Variants in DMD observed in about 807,000 individuals in gnomAD.
The protein encoded by DMD is dystrophin.
In DMD, 63 loss-of-function variants were observed where a neutral mutation model predicts 330.1. The observed-to-expected ratio is 0.19, with a 90% confidence interval of 0.16 to 0.24. The LOEUF (loss-of-function observed/expected upper bound fraction) is 0.24, where lower values mean the gene tolerates loss of function less well. DMD is among the 10% of genes least tolerant of loss of function. The probability of loss-of-function intolerance (pLI) is 1.00; values close to 1 mark genes in which losing one functional copy is unlikely to be tolerated. For synonymous variants in DMD, 1,223 were observed against 959.8 expected (o/e 1.27, Z -5.07); for missense variants, 3,344 against 2,684.1 (o/e 1.25, Z -5.43).
At chrX:31,901,584 T>C (rs2094423236) in intron 47 of DMD, among the ~76,000 whole-genome samples, 2 of 111,539 alleles carry the variant, frequency 1.8e-5, no homozygotes, top group South Asian at 7.5e-4. Context: ...AAAGGGAGGA[T>C]TATGAAGGGT....
chrX:33,120,142 C>T (rs141658625), intron 1 of DMD, among the ~76,000 whole-genome samples: 323 of 112,176 alleles, frequency 2.9e-3, no homozygotes, highest in Non-Finnish European at 4.9e-3. Flanking sequence ...TTTAGATTCT[C>T]CCCAGACAGA....
chrX:31,554,827 G>A (rs188468520), intron 55 of DMD, among the ~76,000 whole-genome samples: 1 of 111,825 alleles, frequency 8.9e-6, no homozygotes, highest in East Asian at 2.8e-4. Flanking sequence ...AAATTCATGG[G>A]CAATTGAAAT....
chrX:31,476,359 T>G (rs960543308), intron 59 of DMD, among the ~76,000 whole-genome samples: 1 of 101,101 alleles, frequency 9.9e-6, no homozygotes, highest in South Asian at 4.7e-4. Context: ...TATATGTATA[T>G]ATACTATGTA....
chrX:32,363,019 AAAAG>A (rs1433496594), intron 36 of DMD, 61 bp from the exon 37 acceptor site: 1 of 1,069,997 alleles, frequency 9.3e-7, no homozygotes, highest in African/African-American at 1.8e-5. Context: ...TCAAGATAGA[AAAAG>A]AGAGCCAAAC....
At chrX:33,269,603 A>T (rs1383007509) in intron 1 of DMD, among the ~76,000 whole-genome samples, 1 of 111,998 alleles carries the variant, frequency 8.9e-6, no homozygotes, top group African/African-American at 3.3e-5. Context: ...AAAACATGCC[A>T]GGCACCTATT....
At chrX:32,689,816 C>T (rs920179425) in intron 9 of DMD, among the ~76,000 whole-genome samples, 1 of 110,748 alleles carries the variant, frequency 9.0e-6, no homozygotes, top group Non-Finnish European at 1.9e-5. Flanking sequence ...TCATTAGATG[C>T]TGAAAACTTG....
chrX:31,206,992 G>A (rs758793033), intron 65 of DMD, among the ~76,000 whole-genome samples: 22 of 110,798 alleles, frequency 2.0e-4, no homozygotes, highest in Non-Finnish European at 4.0e-4. Context: ...CCTATGGAAA[G>A]CCACCTTGGT....
intron 1 of DMD, among the ~76,000 whole-genome samples, chrX:33,155,249 A>G (rs947983982): frequency 1.8e-5 from 2 of 110,968 alleles, no homozygotes; most frequent in Non-Finnish European, 3.8e-5. Flanking sequence ...GTTGACCCAC[A>G]CTATTAATAA....
chrX:32,740,418 A>G (rs2069101791), intron 7 of DMD, among the ~76,000 whole-genome samples: 1 of 110,721 alleles, frequency 9.0e-6, no homozygotes, highest in Non-Finnish European at 1.9e-5. Context: ...ATGGAAGAGG[A>G]AAACATGGGA....
intron 9 of DMD, among the ~76,000 whole-genome samples, chrX:32,684,056 G>C (rs1393605069): frequency 1.0e-4 from 10 of 98,239 alleles, no homozygotes; most frequent in African/African-American, 3.8e-4. Flanking sequence ...CACACACACA[G>C]TGTGTATACA....
intron 51 of DMD, among the ~76,000 whole-genome samples, chrX:31,762,829 T>TA (rs1000896301): frequency 8.9e-6 from 1 of 112,427 alleles, no homozygotes; most frequent in African/African-American, 3.2e-5. Context: ...CTAAAATTCT[T>TA]AGAGTGTCTA....
chrX:33,313,226 C>G (rs1204686992), intron 1 of DMD, among the ~76,000 whole-genome samples: 1 of 112,158 alleles, frequency 8.9e-6, no homozygotes, highest in Non-Finnish European at 1.9e-5. Flanking sequence ...ACCATCTGTA[C>G]AAAGTTTCAA....
At chrX:31,428,443 T>G (rs999326332) in intron 60 of DMD, among the ~76,000 whole-genome samples, 12 of 112,049 alleles carry the variant, frequency 1.1e-4, no homozygotes, top group African/African-American at 3.9e-4. Context: ...TGCAGAACCA[T>G]GAGCCAATGA....
chrX:32,804,979 A>G (rs1438876627), intron 7 of DMD, among the ~76,000 whole-genome samples: 1 of 112,216 alleles, frequency 8.9e-6, no homozygotes, highest in African/African-American at 3.2e-5. Flanking sequence ...TCAAAGATCA[A>G]AGGTAGATAA....
chrX:31,183,002 A>C, intron 67 of DMD, 98 bp from the exon 68 acceptor site: 1 of 734,107 alleles, frequency 1.4e-6, no homozygotes, highest in Admixed American at 3.0e-5. Flanking sequence ...TAATAAGTTA[A>C]ACAGAAAAGA....
chrX:31,975,420 A>G (rs1039137832), intron 44 of DMD, among the ~76,000 whole-genome samples: 5 of 112,071 alleles, frequency 4.5e-5, no homozygotes, highest in African/African-American at 9.7e-5. Context: ...TAACTCATTC[A>G]TGAGAACTTC....
intron 53 of DMD, among the ~76,000 whole-genome samples, chrX:31,662,648 G>GT (rs34542798): frequency 0.41 from 45,609 of 110,409 alleles, 6,855 homozygotes; most frequent in East Asian, 0.46. Flanking sequence ...GCAGTGCAGA[G>GT]TAACGAAAGG....
intron 47 of DMD, among the ~76,000 whole-genome samples, chrX:31,919,759 C>A (rs2094661847): frequency 8.9e-6 from 1 of 112,036 alleles, no homozygotes; most frequent in African/African-American, 3.2e-5. Flanking sequence ...GGGAGAAAAA[C>A]CAAATTTCTC....
chrX:32,407,518 G>A (rs1249312154), intron 30 of DMD, among the ~76,000 whole-genome samples: 1 of 111,113 alleles, frequency 9.0e-6, no homozygotes, highest in Non-Finnish European at 1.9e-5. Context: ...CTTTTACACT[G>A]TTGGTGGGAC....
Sources: allele counts gnomAD v4.1 joint callset (sites outside exome capture counted in the v4.1 genomes callset), GRCh38; gene constraint gnomAD v4.1.1; transcripts MANE v1.5; gene names NCBI Gene and HGNC (gene_info 2026-07-23, HGNC 2026-07-21).